SLC8A1: variants seen among roughly 807,000 people sequenced by gnomAD.
SLC8A1 encodes the protein solute carrier family 8 member A1, also known as sodium/calcium exchanger 1.
In SLC8A1, 18 loss-of-function variants were observed where a neutral mutation model predicts 68.3. The observed-to-expected ratio is 0.26, with a 90% confidence interval of 0.18 to 0.39. The LOEUF is 0.39. SLC8A1 is among the 10% of genes least tolerant of loss of function. SLC8A1 has a pLI of 1.00. For synonymous variants in SLC8A1, 475 were observed against 415.5 expected (o/e 1.14, Z -1.74); for missense variants, 985 against 1,156.7 (o/e 0.85, Z 2.15).
chr2:40,275,018 A>G (rs912924471), intron 2 of SLC8A1, among the ~76,000 whole-genome samples: 1 of 152,248 alleles, frequency 6.6e-6, no homozygotes, highest in African/African-American at 2.4e-5. Flanking sequence ...AGTGCATCAA[A>G]GTTGAAGCAT....
At chr2:40,392,117 T>C (rs767943718) in intron 2 of SLC8A1, among the ~76,000 whole-genome samples, 63 of 93,398 alleles carry the variant, frequency 6.7e-4, no homozygotes, top group Non-Finnish European at 4.1e-4. Context: ...GAACAAAGAG[T>C]GAACAAATGA....
At chr2:40,185,961 GTGTC>G (rs1258631101) in intron 2 of SLC8A1, among the ~76,000 whole-genome samples, 1 of 152,230 alleles carries the variant, frequency 6.6e-6, no homozygotes, top group East Asian at 1.9e-4. Context: ...CGCCACTGCT[GTGTC>G]TGTCTGTACC....
intron 2 of SLC8A1, among the ~76,000 whole-genome samples, chr2:40,359,983 G>C (rs951857463): frequency 6.6e-6 from 1 of 151,414 alleles, no homozygotes; most frequent in African/African-American, 2.4e-5. Flanking sequence ...GCAAGAGTCT[G>C]TGGTAGGGCT....
chr2:40,300,456 G>T (rs1439978640), intron 2 of SLC8A1, among the ~76,000 whole-genome samples: 1 of 152,038 alleles, frequency 6.6e-6, no homozygotes, highest in African/African-American at 2.4e-5. Context: ...TAAAAAAAAA[G>T]ACATTCTACA....
chr2:40,131,922 T>G (rs2039455229), intron 7 of SLC8A1, among the ~76,000 whole-genome samples: 1 of 148,068 alleles, frequency 6.8e-6, no homozygotes, highest in Non-Finnish European at 1.5e-5. Flanking sequence ...TCAGTTGTCT[T>G]AGTGATTAAA....
At chr2:40,372,936 A>C (rs1251817722) in intron 2 of SLC8A1, among the ~76,000 whole-genome samples, 1 of 152,022 alleles carries the variant, frequency 6.6e-6, no homozygotes, top group African/African-American at 2.4e-5. Flanking sequence ...TTATCAAGAG[A>C]GGTATTATGG....
intron 6 of SLC8A1, among the ~76,000 whole-genome samples, chr2:40,146,400 G>T (rs1310711998): frequency 6.6e-6 from 1 of 152,174 alleles, no homozygotes; most frequent in African/African-American, 2.4e-5. Context: ...AGCTCAGGCT[G>T]TTAGGTTCTA....
In SLC8A1 at chr2:40,424,574, T is replaced by C. The variant is rs181392413; in HGVS notation, c.1808+3899A>G. The stretch of plus-strand genomic sequence containing the variant: ...GTCTTACACATACTATTTCCTAAAG[T>C]TAATGAAGTTACAACTACACTGAAA... On this transcript the variant is annotated intron_variant, in intron 2 of 7. Transcript: ENST00000406785. 7.1e-4 allele frequency among the ~76,000 whole-genome samples: 108 copies of C among 151,932 alleles called. 1 individual carries two copies. Among genetic ancestry groups the C allele is most frequent in the African/African-American group, 2.5e-3 (105 of 41,554 alleles).
At position 40,335,265 on chromosome 2, in the gene SLC8A1, C is replaced by A. The variant is rs4952405; in HGVS notation, c.1808+93208G>T. ...TAAAGACAAAGCAAATAGATGTATG[C>A]CCATAAAGTTTAGCAATGTGCTCAT... On this transcript the variant is annotated intron_variant, in intron 2 of 7. Transcript: ENST00000406785. Among the ~76,000 whole-genome samples, 458 of 152,248 alleles carry A rather than the reference C, an allele frequency of 3.0e-3. 9 individuals are homozygous for A. In the East Asian group the frequency reaches 0.037, roughly 12 times the overall value.
exon 8 of SLC8A1, chr2:40,103,508 G>T (rs2034021141): frequency 6.6e-6 from 1 of 151,934 alleles, no homozygotes; most frequent in African/African-American, 2.4e-5. Flanking sequence ...CTTTCTGCCT[G>T]GTCATTGCAC....
intron 2 of SLC8A1, among the ~76,000 whole-genome samples, chr2:40,237,693 G>A (rs1049267357): frequency 1.3e-5 from 2 of 151,912 alleles, no homozygotes; most frequent in Non-Finnish European, 2.9e-5. Flanking sequence ...GCTTTTTAGA[G>A]TTTCCAGTTT....
chr2:40,220,608 G>GCTAA (rs1304422592), intron 2 of SLC8A1, among the ~76,000 whole-genome samples: 1 of 152,116 alleles, frequency 6.6e-6, no homozygotes, highest in Admixed American at 6.5e-5. Context: ...ATTAATTTCT[G>GCTAA]CTAACTCCTA....
chr2:40,106,387 C>G (rs2034200285), exon 8 of SLC8A1: 1 of 152,060 alleles, frequency 6.6e-6, no homozygotes, highest in Non-Finnish European at 1.5e-5. Flanking sequence ...GAACCAACTG[C>G]TCACAGCTTC....
At chr2:40,505,657 A>C (rs1384404707) in intron 1 of SLC8A1, among the ~76,000 whole-genome samples, 1 of 151,958 alleles carries the variant, frequency 6.6e-6, no homozygotes, top group Non-Finnish European at 1.5e-5. Flanking sequence ...GGAGCAGTTG[A>C]TTTGTGCAAT....
chr2:40,299,731 C>T (rs2071082060), intron 2 of SLC8A1, among the ~76,000 whole-genome samples: 2 of 152,170 alleles, frequency 1.3e-5, no homozygotes, highest in Non-Finnish European at 2.9e-5. Flanking sequence ...AAATAGCCTC[C>T]AAAGTGGAAA....
At chr2:40,252,866 T>C (rs2063037016) in intron 2 of SLC8A1, among the ~76,000 whole-genome samples, 2 of 117,360 alleles carry the variant, frequency 1.7e-5, no homozygotes, top group African/African-American at 4.2e-5. Context: ...ACACATTTGA[T>C]TCCAATAATA....
chr2:40,504,786 T>C (rs1329119955), intron 1 of SLC8A1, among the ~76,000 whole-genome samples: 2 of 151,788 alleles, frequency 1.3e-5, no homozygotes, highest in Non-Finnish European at 2.9e-5. Flanking sequence ...AAAATGGCTT[T>C]TACACAACAG....
chr2:40,149,508 G>A (rs1207324552), intron 6 of SLC8A1, among the ~76,000 whole-genome samples: 1 of 152,164 alleles, frequency 6.6e-6, no homozygotes, highest in African/African-American at 2.4e-5. Flanking sequence ...AATCGGATAT[G>A]GAGGGAAAGT....
At chr2:40,447,351 A>T (rs755360718) in intron 1 of SLC8A1, among the ~76,000 whole-genome samples, 1 of 152,176 alleles carries the variant, frequency 6.6e-6, no homozygotes, top group Non-Finnish European at 1.5e-5. Flanking sequence ...TTGTTGCTCT[A>T]GAAGCCAAAT....
Sources: allele counts gnomAD v4.1 joint callset (sites outside exome capture counted in the v4.1 genomes callset), GRCh38; gene constraint gnomAD v4.1.1; transcripts MANE v1.5; gene names NCBI Gene and HGNC (gene_info 2026-07-23, HGNC 2026-07-21).